Variants in GNB3 observed in about 807,000 individuals in gnomAD.
GNB3 encodes the protein G protein subunit beta 3.
GNB3 carries 33 observed loss-of-function variants against 41.2 expected under a neutral mutation model. That is an observed-to-expected ratio of 0.80 (90% CI 0.61 to 1.07). GNB3 has a LOEUF of 1.07. Among genes scored for constraint, GNB3 ranks in the 50% least tolerant of loss-of-function variants. The pLI is 0.00. For missense variants in GNB3, 409 were observed against 455.3 expected (o/e 0.90, Z 0.92); for synonymous variants, 172 against 173.4 (o/e 0.99, Z 0.06).
chr12:6,843,266 C>A lies in GNB3; in HGVS notation c.267+29C>A. ...CCAGCCCTGCCTCCCTGAGCCTCCACCACTGCATCCTTCCTAAGGGCGCCA... is the reference window on the plus strand; with the variant it reads ...CCAGCCCTGCCTCCCTGAGCCTCCAACACTGCATCCTTCCTAAGGGCGCCA... On this transcript the variant is annotated intron_variant, in intron 5 of 9. Transcript: ENST00000229264. This position sits in a 1 kb window ranked among gnomAD's most constrained non-coding sequence, Gnocchi z 5.9. 6.2e-7 allele frequency: 1 copy of A among 1,610,912 alleles called. No homozygotes were observed. The highest frequency in any genetic ancestry group is 8.5e-7 in the Non-Finnish European group (1 of 1,177,124).
At position 6,846,816 on chromosome 12, in the gene GNB3, G is replaced by A. The variant is rs782617297; in HGVS notation, c.941G>A (p.Arg314Lys). The A allele has an allele frequency of 1.3e-6, 2 of 1,598,684 alleles. No individual in the cohort carries two copies. Among genetic ancestry groups the A allele is most frequent in the South Asian group, 1.1e-5 (1 of 88,062 alleles). ...RVGILSGHDN[R>K]VSCLGVTADG... ...GGCATCCTCTCTGGCCACGATAACAGGGTGAGCTGCCTGGGAGTCACAGCT... is the reference window on the plus strand; with the variant it reads ...GGCATCCTCTCTGGCCACGATAACAAGGTGAGCTGCCTGGGAGTCACAGCT... The change falls in exon 10 of 10, where the codon AGG (arginine) becomes AAG (lysine). Residue 314 changes from arginine (R) to lysine (K), a missense_variant. Transcript: ENST00000229264.
In GNB3 at chr12:6,842,987, G is replaced by A. The variant is rs782186556; in HGVS notation, c.114G>A (p.Glu38=). The A allele has an allele frequency of 1.3e-6, 2 of 1,550,154 alleles. No individual in the cohort carries two copies. Among genetic ancestry groups the A allele is most frequent in the South Asian group, 2.5e-5 (2 of 81,282 alleles). Residue 38 remains glutamate (E), a synonymous_variant, in exon 4 of 10, where the codon GAG becomes GAA. Transcript: ENST00000229264. Reference sequence around the variant, plus strand: ...CTCTGCAGCTGGTGTCTGGCCTAGAGGTGGTGGGACGAGTCCAGATGCGGA... The same window carrying A: ...CTCTGCAGCTGGTGTCTGGCCTAGAAGTGGTGGGACGAGTCCAGATGCGGA... The part of the protein sequence containing the change: ...VTLAELVSGL[E]VVGRVQMRTR...
chr12:6,846,688 T>TACACACAC (rs782215016), intron 9 of GNB3, 104 bp from the exon 10 acceptor site: 3 of 629,630 alleles, frequency 4.8e-6, no homozygotes, highest in Admixed American at 2.3e-5. Context: ...CACACCCACA[T>TACACACAC]ACACACACAC....
In GNB3 at chr12:6,841,246, T is replaced by C. The variant is rs371356560; in HGVS notation, c.-30-12T>C. 84 of 1,534,734 alleles carry C rather than the reference T, an allele frequency of 5.5e-5. No homozygotes were observed. The highest frequency in any genetic ancestry group is 7.3e-5 in the Non-Finnish European group (82 of 1,124,934). On this transcript the variant is annotated splice_polypyrimidine_tract_variant and intron_variant, in intron 1 of 9. Coordinates refer to ENST00000229264, the MANE Select transcript of GNB3 (RefSeq NM_002075.4). The stretch of plus-strand genomic sequence containing the variant: ...GGGGGGTTCCTCAACACCGACCCCA[T>C]GTTCCTGGCAGGAGCCAGAGTGACC...
intron 8 of GNB3, chr12:6,844,990 A>G (rs1319591395): frequency 6.6e-6 from 1 of 152,446 alleles, no homozygotes; most frequent in Non-Finnish European, 1.5e-5. Flanking sequence ...AATAGCCTCA[A>G]AAATGTCCAT....
At chr12:6,841,366 T>C (rs1555123336) in intron 2 of GNB3, 22 bp downstream of exon 2, 1 of 1,608,138 alleles carries the variant, frequency 6.2e-7, no homozygotes. Context: ...GCCCTACCCC[T>C]GGGGCCCCAG....
chr12:6,845,584 A>T lies in GNB3; in HGVS notation c.700-2A>T, dbSNP rs1555124446. ...TGACCCACTTGCCACCCGTGCCCTC[A>T]GTTCTTCCCCAATGGAGAGGCCATC... is the stretch of plus-strand genomic sequence containing the variant. On this transcript the variant is annotated splice_acceptor_variant, in intron 8 of 9. Coordinates refer to ENST00000229264, the MANE Select transcript of GNB3 (RefSeq NM_002075.4). LOFTEE classifies it high-confidence loss of function. The T allele has an allele frequency of 6.2e-7, 1 of 1,604,882 alleles. No individual in the cohort carries two copies. Among genetic ancestry groups the T allele is most frequent in the Admixed American group, 1.7e-5 (1 of 59,956 alleles).
rs201376569 is a variant in GNB3, at chr12:6,843,328, C to G, written c.268-35C>G. On this transcript the variant is annotated intron_variant, in intron 5 of 9. Coordinates refer to ENST00000229264, the MANE Select transcript of GNB3 (RefSeq NM_002075.4). The surrounding 1 kb of genome is among the most constrained non-coding windows in gnomAD (Gnocchi z 5.9). ...CTGTGCCCAGCTGGGAGCTTGGCTC[C>G]GGTCCCATCTCTGCTCAAACCACCC... 13 of 1,612,468 alleles carry G rather than the reference C, an allele frequency of 8.1e-6. No homozygotes were observed. Among genetic ancestry groups the G allele is most frequent in the Non-Finnish European group, 9.3e-6 (11 of 1,178,710 alleles).
chr12:6,841,312 C>T lies in GNB3; in HGVS notation c.25C>T (p.Gln9Ter). MGEMEQLR[Q>*]EAEQLKKQIA... ...CATGGGGGAGATGGAGCAACTGCGT[C>T]AGGAAGCGGAGCAGCTCAAGAAGCA... The change falls in exon 2 of 10, where the codon CAG becomes TAG. Residue 9 changes from glutamine to a stop codon, truncating the protein, a stop_gained. Transcript: ENST00000229264. LOFTEE classifies it high-confidence loss of function. 6.2e-7 allele frequency: 1 copy of T among 1,613,596 alleles called. No homozygotes were observed. The highest frequency in any genetic ancestry group is 1.1e-5 in the South Asian group (1 of 90,908).
intron 3 of GNB3, 177 bp downstream of exon 3, chr12:6,841,801 T>C: frequency 1.4e-6 from 1 of 708,438 alleles, no homozygotes; most frequent in South Asian, 1.5e-5. Context: ...AGGCACCATA[T>C]TGGATGCGAA....
At chr12:6,841,401 G>A (rs782193272) in intron 2 of GNB3, 57 bp downstream of exon 2, 54 of 1,472,740 alleles carry the variant, frequency 3.7e-5, no homozygotes, top group Admixed American at 1.2e-4. Context: ...CATGAGGAGC[G>A]TGGCCCAGGG....
chr12:6,841,549 C>A (rs561819792), intron 2 of GNB3, 37 bp from the exon 3 acceptor site: 20 of 1,591,372 alleles, frequency 1.3e-5, no homozygotes, highest in Admixed American at 1.7e-5. Flanking sequence ...CCACCCCCAC[C>A]TCGCCCTTGC....
At chr12:6,842,109 C>G (rs1943586604) in intron 3 of GNB3, among the ~76,000 whole-genome samples, 1 of 152,162 alleles carries the variant, frequency 6.6e-6, no homozygotes, top group African/African-American at 2.4e-5. Flanking sequence ...ATAGTGAACA[C>G]TTTTTATGAG....
Position 6,843,515 on chromosome 12 carries a change from T to C in GNB3, c.420T>C (p.Ser140=), listed in dbSNP as rs940510787. ...ATGTCAAGGTCAGCCGGGAGCTTTC[T>C]GCTCACACAGGTGAGGGAGAGACCC... ...EGNVKVSREL[S]AHTGYLSCCR... is the part of the protein sequence containing the mutation. Residue 140 remains serine (S), a synonymous_variant, in exon 6 of 10, where the codon TCT becomes TCC. Coordinates refer to ENST00000229264, the MANE Select transcript of GNB3 (RefSeq NM_002075.4). The surrounding 1 kb of genome is among the most constrained non-coding windows in gnomAD (Gnocchi z 5.9). 5 of 1,614,200 alleles carry C rather than the reference T, an allele frequency of 3.1e-6. No homozygotes were observed. Among genetic ancestry groups the C allele is most frequent in the Non-Finnish European group, 2.5e-6 (3 of 1,180,000 alleles).
chr12:6,843,351 C>A lies in GNB3; in HGVS notation c.268-12C>A. On this transcript the variant is annotated splice_polypyrimidine_tract_variant and intron_variant, in intron 5 of 9. Transcript: ENST00000229264. The surrounding 1 kb of genome is among the most constrained non-coding windows in gnomAD (Gnocchi z 5.9). ...TCCGGTCCCATCTCTGCTCAAACCA[C>A]CCTCCCTGCAGGTGCACGCCATCCC... 2 of 1,613,686 alleles carry A rather than the reference C, an allele frequency of 1.2e-6. No homozygotes were observed. Among genetic ancestry groups the A allele is most frequent in the Non-Finnish European group, 1.7e-6 (2 of 1,179,622 alleles).
chr12:6,842,882 A>G (rs1271044237), intron 3 of GNB3, 88 bp from the exon 4 acceptor site: 6 of 822,550 alleles, frequency 7.3e-6, no homozygotes, highest in Non-Finnish European at 1.2e-5. Flanking sequence ...CCTGGCACAG[A>G]GCGGGAACTT....
Position 6,845,572 on chromosome 12 carries a change from A to C in GNB3, c.700-14A>C, listed in dbSNP as rs1591592105. ...AGGTCTGATCCCTGACCCACTTGCCACCCGTGCCCTCAGTTCTTCCCCAAT... is the reference window on the plus strand; with the variant it reads ...AGGTCTGATCCCTGACCCACTTGCCCCCCGTGCCCTCAGTTCTTCCCCAAT... On this transcript the variant is annotated splice_polypyrimidine_tract_variant and intron_variant, in intron 8 of 9. Transcript: ENST00000229264. The C allele has an allele frequency of 6.3e-7, 1 of 1,590,776 alleles. No homozygotes were observed. Among genetic ancestry groups the C allele is most frequent in the Non-Finnish European group, 8.6e-7 (1 of 1,165,426 alleles).
Position 6,844,093 on chromosome 12 carries a change from AT to A in GNB3, c.699+141del, listed in dbSNP as rs34871066. On this transcript the variant is annotated intron_variant, in intron 8 of 9. Transcript: ENST00000229264. ...AGCTTCCCTAGCCCTTTCTTACTGTATTTTTTTTTTTTTTTTTTTTTTTTTT... is the reference window on the plus strand; with the variant it reads ...AGCTTCCCTAGCCCTTTCTTACTGTATTTTTTTTTTTTTTTTTTTTTTTTT... The A allele has an allele frequency of 0.086, 22,156 of 256,148 alleles. 19 individuals are homozygous for A. The highest frequency in any genetic ancestry group is 0.12 in the South Asian group (1,933 of 16,452). The allele number at this position is 256,148 out of a possible 1,614,324, so 15.9% of individuals were successfully genotyped here.
rs201963490 is a variant in GNB3 at position 6,843,438 on chromosome 12, G to C, written c.343G>C (p.Gly115Arg). The C allele has an allele frequency of 2.5e-5, 40 of 1,613,956 alleles. No homozygotes were observed. In the East Asian group the frequency reaches 3.1e-4, roughly 13 times the overall value. Residue 115 changes from glycine to arginine, a missense_variant, in exon 6 of 10, where the codon GGG becomes CGG. Coordinates refer to ENST00000229264, the MANE Select transcript of GNB3 (RefSeq NM_002075.4). This position sits in a 1 kb window ranked among gnomAD's most constrained non-coding sequence, Gnocchi z 5.9. ...YAPSGNFVACGGLDNMCSIYN... is the reference protein window; with the variant it reads ...YAPSGNFVACRGLDNMCSIYN... Reference sequence around the variant, plus strand: ...CCCATCAGGGAACTTTGTGGCATGTGGGGGGCTGGACAACATGTGTTCCAT... The same window carrying C: ...CCCATCAGGGAACTTTGTGGCATGTCGGGGGCTGGACAACATGTGTTCCAT...
Sources: gnomAD v4.1 joint callset for allele counts (sites outside exome capture counted in the v4.1 genomes callset) on GRCh38, gnomAD v4.1.1 for gene constraint, Gnocchi (gnomAD v3.1) non-coding constraint, MANE v1.5 for transcripts, NCBI Gene and HGNC (gene_info 2026-07-23, HGNC 2026-07-21) for gene names.